TTLL7: variants seen among roughly 807,000 people sequenced by gnomAD.
The protein encoded by TTLL7 is tubulin tyrosine ligase like 7, also known as tubulin polyglutamylase TTLL7.
A neutral mutation model predicts 120.2 loss-of-function variants in TTLL7; 53 were observed. The observed-to-expected ratio is 0.44, with a 90% CI of 0.35 to 0.55. TTLL7 has a LOEUF of 0.55. TTLL7 is among the 20% of genes least tolerant of loss of function. The pLI is 0.00. For missense variants in TTLL7, 803 were observed against 1,054.7 expected (o/e 0.76, Z 3.31); for synonymous variants, 353 against 351.7 (o/e 1.00, Z -0.04).
chr1:83,972,344 TG>T (rs1352584817), intron 1 of TTLL7, among the ~76,000 whole-genome samples: 1 of 152,104 alleles, frequency 6.6e-6, no homozygotes, highest in African/African-American at 2.4e-5. Context: ...GAATGTCATA[TG>T]GTTGGAATCA....
At chr1:83,953,767 T>A (rs536212659) in intron 1 of TTLL7, among the ~76,000 whole-genome samples, 18 of 152,310 alleles carry the variant, frequency 1.2e-4, no homozygotes, top group Admixed American at 1.0e-3. Flanking sequence ...TTAAACCCAA[T>A]TCTAATTATT....
intron 1 of TTLL7, among the ~76,000 whole-genome samples, chr1:83,985,119 C>T (rs1652323702): frequency 1.3e-5 from 2 of 152,148 alleles, no homozygotes; most frequent in Admixed American, 6.5e-5. Flanking sequence ...CACAATAGGC[C>T]GCCTGTAAGC....
chr1:83,888,532 GA>G (rs1357402366), intron 19 of TTLL7, among the ~76,000 whole-genome samples: 1 of 152,000 alleles, frequency 6.6e-6, no homozygotes, highest in East Asian at 1.9e-4. Context: ...TTTCAGAATA[GA>G]ACAGTCTGTT....
At chr1:83,945,808 T>C (rs1648437765) in intron 6 of TTLL7, among the ~76,000 whole-genome samples, 1 of 151,866 alleles carries the variant, frequency 6.6e-6, no homozygotes, top group South Asian at 2.1e-4. Context: ...AATGTGAAAA[T>C]CAATTCTTTA....
At chr1:83,872,808 A>C (rs1009504707) in intron 20 of TTLL7, among the ~76,000 whole-genome samples, 1 of 152,256 alleles carries the variant, frequency 6.6e-6, no homozygotes, top group African/African-American at 2.4e-5. Flanking sequence ...ACAGATATCA[A>C]CTCATTTAGT....
chr1:83,882,941 G>T (rs754920603), intron 20 of TTLL7, 22 bp downstream of exon 20: 10 of 1,605,454 alleles, frequency 6.2e-6, no homozygotes, highest in Admixed American at 3.4e-5. Flanking sequence ...ACTCTCAAGG[G>T]TTAGAGAATG....
chr1:83,870,475 A>C (rs1004028081), intron 20 of TTLL7, among the ~76,000 whole-genome samples: 1 of 152,242 alleles, frequency 6.6e-6, no homozygotes, highest in Non-Finnish European at 1.5e-5. Context: ...AGGGAGGCGG[A>C]ACCACTGATT....
At chr1:83,924,161 G>C (rs1658915889) in intron 10 of TTLL7, among the ~76,000 whole-genome samples, 1 of 152,130 alleles carries the variant, frequency 6.6e-6, no homozygotes, top group Non-Finnish European at 1.5e-5. Context: ...TCGAGGAGCT[G>C]ACCAAATAAA....
intron 20 of TTLL7, 187 bp downstream of exon 20, chr1:83,882,776 C>G: frequency 1.8e-6 from 1 of 548,468 alleles, no homozygotes. Context: ...GATTGCTGTC[C>G]TTGTTCAGTC....
chr1:83,881,039 T>C (rs1459584322), intron 20 of TTLL7, among the ~76,000 whole-genome samples: 2 of 151,716 alleles, frequency 1.3e-5, no homozygotes, highest in Non-Finnish European at 3.0e-5. Context: ...GCTAGCCATA[T>C]GTAGAAAGCT....
intron 1 of TTLL7, among the ~76,000 whole-genome samples, chr1:83,998,371 G>A (rs1002401377): frequency 2.6e-5 from 4 of 152,140 alleles, no homozygotes. Context: ...CTTTCATAGG[G>A]TATCTTTTAC....
In TTLL7 at chr1:83,933,481, C is replaced by A. The variant is rs2100823285; in HGVS notation, c.1047+127G>T. ...CTGAATTTTTATCCTCTTCTTCCCA[C>A]TTATTCCATTCAGCCTTCATTCTGG... On this transcript the variant is annotated intron_variant, in intron 9 of 20. Coordinates refer to ENST00000260505, the MANE Select transcript of TTLL7 (RefSeq NM_024686.6). 4 of 956,168 alleles carry A rather than the reference C, an allele frequency of 4.2e-6. No homozygotes were observed. The East Asian group carries it at 9.9e-5, about 24-fold the overall frequency. 59.2% of individuals were successfully genotyped at this position (956,168 alleles called of 1,614,324 possible). A position where few individuals can be genotyped will look rare whatever the true frequency, so the allele number is the denominator to read the frequency against.
At chr1:83,910,092 G>A (rs1657549872) in intron 15 of TTLL7, among the ~76,000 whole-genome samples, 1 of 152,086 alleles carries the variant, frequency 6.6e-6, no homozygotes, top group Non-Finnish European at 1.5e-5. Flanking sequence ...ATAAACCCTG[G>A]AAGATATGAA....
chr1:83,978,029 A>C (rs112495943), intron 1 of TTLL7, among the ~76,000 whole-genome samples: 8 of 152,270 alleles, frequency 5.3e-5, no homozygotes, highest in African/African-American at 1.9e-4. Context: ...TTTTTTAATA[A>C]GAATTTCTTT....
At chr1:83,990,571 A>G (rs1381842087) in intron 1 of TTLL7, among the ~76,000 whole-genome samples, 3 of 152,258 alleles carry the variant, frequency 2.0e-5, no homozygotes, top group Non-Finnish European at 4.4e-5. Context: ...TAGAAAGAGG[A>G]TATACAAATG....
At chr1:83,998,062 T>G (rs957675540) in intron 1 of TTLL7, among the ~76,000 whole-genome samples, 2 of 152,246 alleles carry the variant, frequency 1.3e-5, no homozygotes, top group Non-Finnish European at 2.9e-5. Context: ...ATTAATTCTA[T>G]GTTTAATATC....
intron 16 of TTLL7, among the ~76,000 whole-genome samples, chr1:83,906,727 C>T (rs572725873): frequency 6.6e-6 from 1 of 152,106 alleles, no homozygotes; most frequent in South Asian, 2.1e-4. Flanking sequence ...AAAGGACTTC[C>T]TGGTCAGTTT....
intron 1 of TTLL7, among the ~76,000 whole-genome samples, chr1:83,977,912 T>C (rs998290540): frequency 7.9e-5 from 12 of 152,184 alleles, no homozygotes; most frequent in African/African-American, 2.9e-4. Flanking sequence ...AAGAGTTATG[T>C]GACTATTTCA....
At chr1:83,920,765 C>T (rs983847254) in intron 12 of TTLL7, 13 of 249,854 alleles carry the variant, frequency 5.2e-5, no homozygotes, top group African/African-American at 2.5e-4. Context: ...GTACAGTAAC[C>T]ACCATGGATT....
Sources: allele counts gnomAD v4.1 joint callset (sites outside exome capture counted in the v4.1 genomes callset), GRCh38; gene constraint gnomAD v4.1.1; transcripts MANE v1.5; gene names NCBI Gene and HGNC (gene_info 2026-07-23, HGNC 2026-07-21).